TMEM132D: variants seen among roughly 807,000 people sequenced by gnomAD.
TMEM132D encodes transmembrane protein 132D, also known as mature OL transmembrane protein.
Under a neutral mutation model 62.3 loss-of-function variants are expected in TMEM132D, and 21 were observed. The ratio of observed to expected loss-of-function variants is 0.34; its 90% CI spans 0.24 to 0.49. The LOEUF (loss-of-function observed/expected upper bound fraction) is 0.49, where lower values mean the gene tolerates loss of function less well. TMEM132D is among the 20% of genes least tolerant of loss of function. TMEM132D has a pLI of 0.99. For missense variants in TMEM132D, 1,346 were observed against 1,402.8 expected, an observed-to-expected ratio of 0.96 and a Z score of 0.65; for synonymous variants, 621 against 575.6, an observed-to-expected ratio of 1.08 and a Z score of -1.13.
intron 3 of TMEM132D, among the ~76,000 whole-genome samples, chr12:129,491,917 G>A (rs1041795629): frequency 6.8e-6 from 1 of 148,060 alleles, no homozygotes; most frequent in Admixed American, 6.7e-5. Context: ...ACTCCAGCCT[G>A]GGAAAGAGAG....
In TMEM132D at chr12:129,300,235, A is replaced by T. The variant is rs566744190; in HGVS notation, c.1299+37399T>A. On this transcript the variant is annotated intron_variant, in intron 4 of 8. Transcript: ENST00000422113. The stretch of plus-strand genomic sequence containing the variant: ...AATCCAATACTCTCAAGGCCGACCA[A>T]CACTCAGAGAAGTGATTAACCTGCA... 6.2e-4 allele frequency among the ~76,000 whole-genome samples: 95 copies of T among 152,304 alleles called. 2 individuals are homozygous for T. The South Asian group carries it at 0.019, about 30-fold the overall frequency.
chr12:129,465,718 TGTCAC>T (rs1873868850), intron 3 of TMEM132D, among the ~76,000 whole-genome samples: 1 of 152,222 alleles, frequency 6.6e-6, no homozygotes, highest in Non-Finnish European at 1.5e-5. Flanking sequence ...AGTCTTGCTC[TGTCAC>T]CCAGGCTGGA....
chr12:129,216,995 TTTG>T (rs971518951), intron 4 of TMEM132D, among the ~76,000 whole-genome samples: 7 of 152,086 alleles, frequency 4.6e-5, no homozygotes, highest in Non-Finnish European at 8.8e-5. Flanking sequence ...AAAAACATTT[TTTG>T]TTGTTGTTGT....
chr12:129,233,018 CAG>C (rs1453616389), intron 4 of TMEM132D, among the ~76,000 whole-genome samples: 1 of 152,194 alleles, frequency 6.6e-6, no homozygotes, highest in Non-Finnish European at 1.5e-5. Flanking sequence ...GGTGGGGACA[CAG>C]AGCCAAACCA....
chr12:129,601,785 T>C (rs1593083913), intron 2 of TMEM132D, among the ~76,000 whole-genome samples: 1 of 152,096 alleles, frequency 6.6e-6, no homozygotes, highest in South Asian at 2.1e-4. Flanking sequence ...AATAGTAACA[T>C]GAAATATCAC....
intron 3 of TMEM132D, among the ~76,000 whole-genome samples, chr12:129,491,446 C>A (rs1383956747): frequency 6.6e-6 from 1 of 152,170 alleles, no homozygotes. Context: ...CTGAGACTTG[C>A]GGATGGAGGA....
intron 2 of TMEM132D, among the ~76,000 whole-genome samples, chr12:129,613,926 G>A (rs1216296138): frequency 6.6e-6 from 1 of 151,932 alleles, no homozygotes; most frequent in Non-Finnish European, 1.5e-5. Flanking sequence ...CCAGAGTACT[G>A]TCTGCAGAAT....
At chr12:129,209,871 A>G in intron 4 of TMEM132D, 1 of 635,588 alleles carries the variant, frequency 1.6e-6, no homozygotes, top group Non-Finnish European at 2.7e-6. Context: ...CAGGGCAACT[A>G]TGATGGGGAA....
At chr12:129,736,553 G>T (rs1179417049) in intron 1 of TMEM132D, among the ~76,000 whole-genome samples, 1 of 151,984 alleles carries the variant, frequency 6.6e-6, no homozygotes, top group Non-Finnish European at 1.5e-5. Flanking sequence ...GCTGAACGTG[G>T]AGCTACAAGG....
At chr12:129,751,789 T>C (rs962350011) in intron 1 of TMEM132D, among the ~76,000 whole-genome samples, 1 of 152,230 alleles carries the variant, frequency 6.6e-6, no homozygotes, top group Non-Finnish European at 1.5e-5. Flanking sequence ...AGGATGACTT[T>C]GTCTCCTGTT....
At chr12:129,209,479 T>C (rs2135566428) in intron 5 of TMEM132D, 41 bp downstream of exon 5, 2 of 1,609,668 alleles carry the variant, frequency 1.2e-6, no homozygotes, top group African/African-American at 1.3e-5. Context: ...GAAGCTGACA[T>C]GACAGCAGGT....
chr12:129,624,207 C>T (rs1879153271), intron 2 of TMEM132D, among the ~76,000 whole-genome samples: 1 of 152,162 alleles, frequency 6.6e-6, no homozygotes, highest in Non-Finnish European at 1.5e-5. Context: ...AAGCTGTTTA[C>T]ACTTTTTCAC....
intron 1 of TMEM132D, among the ~76,000 whole-genome samples, chr12:129,788,473 AATC>A (rs1202937379): frequency 6.6e-6 from 1 of 152,250 alleles, no homozygotes; most frequent in Non-Finnish European, 1.5e-5. Flanking sequence ...CAAAGGAAAT[AATC>A]ATGATTTTTC....
At chr12:129,587,849 T>C (rs763778919) in intron 2 of TMEM132D, among the ~76,000 whole-genome samples, 5 of 152,118 alleles carry the variant, frequency 3.3e-5, no homozygotes, top group Admixed American at 6.5e-5. Flanking sequence ...ATTGATGATA[T>C]AAAAAATAAA....
At chr12:129,157,083 A>AATAACTAGCCCACTCCAGAG (rs1240973800) in intron 5 of TMEM132D, among the ~76,000 whole-genome samples, 2 of 151,832 alleles carry the variant, frequency 1.3e-5, no homozygotes, top group Non-Finnish European at 2.9e-5. Context: ...CCACTCCTAA[A>AATAACTAGCCCACTCCAGAG]ATAACTAGCC....
chr12:129,476,154 A>AT (rs754763275), intron 3 of TMEM132D, among the ~76,000 whole-genome samples: 4 of 152,278 alleles, frequency 2.6e-5, no homozygotes, highest in East Asian at 3.9e-4. Context: ...CACGCAGCAA[A>AT]TGTGGCAATC....
At chr12:129,647,102 ATG>A (rs960716062) in intron 2 of TMEM132D, among the ~76,000 whole-genome samples, 17 of 78,324 alleles carry the variant, frequency 2.2e-4, no homozygotes, top group South Asian at 1.1e-3. Flanking sequence ...GCCCAACCAC[ATG>A]TTTTTATACA....
intron 5 of TMEM132D, among the ~76,000 whole-genome samples, chr12:129,138,588 G>T (rs1876651717): frequency 6.6e-6 from 1 of 152,076 alleles, no homozygotes; most frequent in South Asian, 2.1e-4. Flanking sequence ...GGGTGTGGTG[G>T]CAGGCACCTG....
chr12:129,198,788 T>G (rs11060192), intron 5 of TMEM132D, among the ~76,000 whole-genome samples: 30,132 of 152,078 alleles, frequency 0.2, 3,564 homozygotes, highest in East Asian at 0.5. Context: ...AAATTTCAAC[T>G]GTCCTCACTA....
Sources: allele counts gnomAD v4.1 joint callset (sites outside exome capture counted in the v4.1 genomes callset), GRCh38; gene constraint gnomAD v4.1.1; transcripts MANE v1.5; gene names NCBI Gene and HGNC (gene_info 2026-07-23, HGNC 2026-07-21).